Variants in EHBP1 observed in about 807,000 individuals in gnomAD.
EHBP1 encodes EH domain binding protein 1.
A neutral mutation model predicts 144.0 loss-of-function variants in EHBP1; 55 were observed. The observed-to-expected ratio is 0.38, with a 90% CI of 0.31 to 0.48. The LOEUF (loss-of-function observed/expected upper bound fraction) is 0.48, where lower values mean the gene tolerates loss of function less well. EHBP1 is among the 20% of genes least tolerant of loss of function. EHBP1 has a pLI of 0.98. For missense variants in EHBP1, 1,200 were observed against 1,364.2 expected (o/e 0.88, Z 1.90); for synonymous variants, 469 against 472.7 (o/e 0.99, Z 0.10).
At chr2:62,794,801 A>G (rs1165163653) in intron 5 of EHBP1, among the ~76,000 whole-genome samples, 1 of 152,052 alleles carries the variant, frequency 6.6e-6, no homozygotes, top group Non-Finnish European at 1.5e-5. Flanking sequence ...GCATTTTTCT[A>G]GTTTCTAAAA....
chr2:62,780,709 A>C (rs532241860), intron 5 of EHBP1, among the ~76,000 whole-genome samples: 2 of 152,332 alleles, frequency 1.3e-5, no homozygotes, highest in East Asian at 3.9e-4. Flanking sequence ...GTAATGCAAG[A>C]AACTCTATGT....
chr2:62,847,089 A>C (rs1233276987), intron 7 of EHBP1, among the ~76,000 whole-genome samples: 1 of 152,246 alleles, frequency 6.6e-6, no homozygotes, highest in African/African-American at 2.4e-5. Context: ...ATAAAGCTGT[A>C]GTAATCAAGA....
chr2:62,767,174 G>A lies in EHBP1; in HGVS notation c.258+2813G>A, dbSNP rs145019320. Among the ~76,000 whole-genome samples, 175 of 152,076 alleles carry A rather than the reference G, an allele frequency of 1.2e-3. 2 individuals carry two copies. Among genetic ancestry groups the A allele is most frequent in the Admixed American group, 2.2e-3 (33 of 15,254 alleles). On this transcript the variant is annotated intron_variant, in intron 4 of 22. Coordinates refer to ENST00000431489, the MANE Select transcript of EHBP1 (RefSeq NM_001142616.3). Reference sequence around the variant, plus strand: ...CCTCTGCACTGAAGAAAACGTTGCCGCTAGCGGTACTTTTAAGATACATAC... The same window carrying A: ...CCTCTGCACTGAAGAAAACGTTGCCACTAGCGGTACTTTTAAGATACATAC...
chr2:62,908,299 C>G (rs2053954698), intron 10 of EHBP1, among the ~76,000 whole-genome samples: 1 of 151,942 alleles, frequency 6.6e-6, no homozygotes, highest in Non-Finnish European at 1.5e-5. Context: ...GTGATATTAC[C>G]TCTCTCATTT....
At chr2:62,815,514 G>A (rs1325790156) in intron 5 of EHBP1, among the ~76,000 whole-genome samples, 3 of 152,164 alleles carry the variant, frequency 2.0e-5, no homozygotes, top group African/African-American at 7.2e-5. Context: ...CATTGCAAAG[G>A]AGAAAGTTTT....
At chr2:62,862,016 T>A (rs2049597012) in intron 8 of EHBP1, among the ~76,000 whole-genome samples, 1 of 152,212 alleles carries the variant, frequency 6.6e-6, no homozygotes, top group African/African-American at 2.4e-5. Flanking sequence ...CAGTCTCTCT[T>A]CCCTTATGGA....
intron 7 of EHBP1, among the ~76,000 whole-genome samples, chr2:62,843,192 C>T (rs75709954): frequency 6.6e-6 from 1 of 152,026 alleles, no homozygotes; most frequent in Non-Finnish European, 1.5e-5. Context: ...ATTTTTTCAT[C>T]TCTAGCTTCC....
chr2:62,969,370 G>A (rs188279063), intron 14 of EHBP1, among the ~76,000 whole-genome samples: 35 of 152,092 alleles, frequency 2.3e-4, no homozygotes, highest in Admixed American at 9.8e-4. Context: ...TATTTGTATA[G>A]CATGGTATAA....
chr2:62,844,464 C>A (rs1319188872), intron 7 of EHBP1, among the ~76,000 whole-genome samples: 1 of 152,022 alleles, frequency 6.6e-6, no homozygotes, highest in Non-Finnish European at 1.5e-5. Flanking sequence ...GAGTGATAGA[C>A]CTTGGAGCTG....
chr2:62,705,320 C>T (rs1442046959), upstream of EHBP1, among the ~76,000 whole-genome samples: 3 of 152,108 alleles, frequency 2.0e-5, no homozygotes, highest in Non-Finnish European at 4.4e-5. Flanking sequence ...GGTCTGCAAT[C>T]ACCCTTAGGG....
At chr2:62,799,665 T>A (rs148930552) in intron 5 of EHBP1, among the ~76,000 whole-genome samples, 2 of 152,316 alleles carry the variant, frequency 1.3e-5, no homozygotes, top group Non-Finnish European at 2.9e-5. Flanking sequence ...ACTATGAAGT[T>A]GGGGCATCAG....
chr2:62,824,044 C>T (rs902802195), intron 5 of EHBP1, among the ~76,000 whole-genome samples: 1 of 151,908 alleles, frequency 6.6e-6, no homozygotes, highest in Non-Finnish European at 1.5e-5. Context: ...TTACCAGATG[C>T]TTAAAAAACA....
chr2:63,029,659 A>T (rs890348194), intron 19 of EHBP1, among the ~76,000 whole-genome samples: 22 of 152,114 alleles, frequency 1.4e-4, no homozygotes, highest in Admixed American at 3.9e-4. Context: ...GAAGAAACTG[A>T]GGTTTAGAGA....
At chr2:62,859,110 G>A (rs983120618) in intron 7 of EHBP1, 59 bp from the exon 8 acceptor site, 15 of 1,447,178 alleles carry the variant, frequency 1.0e-5, no homozygotes, top group African/African-American at 8.5e-5. Flanking sequence ...AATATTTCAC[G>A]AATGTTCAAT....
intron 5 of EHBP1, among the ~76,000 whole-genome samples, chr2:62,804,267 C>T (rs1360071465): frequency 6.6e-6 from 1 of 152,040 alleles, no homozygotes; most frequent in Admixed American, 6.5e-5. Context: ...AGAGTTTGAA[C>T]TTGATTGTGG....
chr2:62,871,869 G>A (rs1375678590), intron 9 of EHBP1, among the ~76,000 whole-genome samples: 6 of 152,030 alleles, frequency 3.9e-5, no homozygotes, highest in Non-Finnish European at 8.8e-5. Flanking sequence ...TATGTTTGGG[G>A]GATAATTCAA....
chr2:62,760,120 G>A (rs1388445165), intron 3 of EHBP1, among the ~76,000 whole-genome samples: 1 of 151,970 alleles, frequency 6.6e-6, no homozygotes, highest in Non-Finnish European at 1.5e-5. Context: ...TTTGCATCTT[G>A]TGCACACTGA....
At chr2:62,883,853 C>T (rs1573890317) in intron 10 of EHBP1, among the ~76,000 whole-genome samples, 2 of 152,158 alleles carry the variant, frequency 1.3e-5, no homozygotes. Context: ...CGCCTGTATT[C>T]CCAGTTACTT....
At chr2:62,823,668 T>G (rs1344442242) in intron 5 of EHBP1, among the ~76,000 whole-genome samples, 3 of 152,060 alleles carry the variant, frequency 2.0e-5, no homozygotes, top group African/African-American at 7.2e-5. Flanking sequence ...CTGTGAAAGA[T>G]CCCCATATTT....
Sources: allele counts gnomAD v4.1 joint callset (sites outside exome capture counted in the v4.1 genomes callset), GRCh38; gene constraint gnomAD v4.1.1; transcripts MANE v1.5; gene names NCBI Gene and HGNC (gene_info 2026-07-23, HGNC 2026-07-21).